ASPM: variants seen among roughly 807,000 people sequenced by gnomAD.
The protein encoded by ASPM is assembly factor for spindle microtubules.
In ASPM, 256 loss-of-function variants were observed where a neutral mutation model predicts 366.4. The observed-to-expected ratio is 0.70, with a 90% confidence interval of 0.63 to 0.77. The LOEUF (loss-of-function observed/expected upper bound fraction) is 0.77. Ranked by LOEUF, ASPM falls within the 30% of genes least tolerant of loss-of-function variation. The probability of loss-of-function intolerance (pLI) is 0.00; values close to 1 mark genes in which losing one functional copy is unlikely to be tolerated. For synonymous variants in ASPM, 1,414 were observed against 1,342.9 expected (o/e 1.05, Z -1.16); for missense variants, 4,146 against 4,090.4 (o/e 1.01, Z -0.37).
rs1658051957 is a variant in ASPM, at chr1:197,125,140, C to G, written c.2988G>C (p.Arg996Ser). The change falls in exon 11 of 28, where the codon AGG becomes AGC. Residue 996 changes from arginine to serine, a missense_variant. This residue lies in a region of ASPM where 3,624 missense variants were observed against 3,591.7 expected (regional missense o/e 1.01). Transcript: ENST00000367409. ...TTTGAAGACGACTTATTGCCGGAAT[C>G]CTGAGTTTCTTTGAGAGGTCCCAGT... is the stretch of plus-strand genomic sequence containing the variant. ...TQNWDLSKKL[R>S]IPAISRLQKM... 2.5e-6 allele frequency: 4 copies of G among 1,613,880 alleles called. No homozygotes were observed. Among genetic ancestry groups the G allele is most frequent in the Admixed American group, 1.7e-5 (1 of 59,986 alleles).
At chr1:197,136,093 T>C (rs1407014381) in intron 4 of ASPM, among the ~76,000 whole-genome samples, 2 of 152,196 alleles carry the variant, frequency 1.3e-5, no homozygotes, top group Non-Finnish European at 2.9e-5. Flanking sequence ...GGATTATGTA[T>C]TTAAAATAAT....
chr1:197,143,548 G>T lies in ASPM; in HGVS notation c.704C>A (p.Thr235Asn). The change falls in exon 3 of 28, where the codon ACT becomes AAT. Residue 235 changes from threonine to asparagine, a missense_variant. Thr to Asn is a moderately conservative substitution (Grantham distance 65). This residue lies in a region of ASPM where 512 missense variants were observed against 471.7 expected (regional missense o/e 1.09). Coordinates refer to ENST00000367409, the MANE Select transcript of ASPM (RefSeq NM_018136.5). The part of the protein sequence containing the change: ...SPAFNECHGA[T>N]CLPLSVRRST... ...TCGACGTACAGAGAGTGGCAAGCAA[G>T]TTGCACCATGGCATTCATTGAAAGC... 6.2e-7 allele frequency: 1 copy of T among 1,613,812 alleles called. No homozygotes were observed. Among genetic ancestry groups the T allele is most frequent in the Non-Finnish European group, 8.5e-7 (1 of 1,179,926 alleles).
At chr1:197,117,353 A>G (rs1480650185) in intron 17 of ASPM, among the ~76,000 whole-genome samples, 6 of 152,050 alleles carry the variant, frequency 3.9e-5, no homozygotes, top group Non-Finnish European at 8.8e-5. Flanking sequence ...TAGGTATTCT[A>G]TAGACTAATT....
rs776604952 is a variant in ASPM at position 197,105,148 on chromosome 1, A to C, written c.4103T>G (p.Leu1368Arg). 4 of 1,608,904 alleles carry C rather than the reference A, an allele frequency of 2.5e-6. No individual in the cohort carries two copies. In the East Asian group the frequency reaches 6.7e-5, roughly 27 times the overall value. Residue 1368 changes from leucine to arginine, a missense_variant, in exon 18 of 28, where the codon CTG becomes CGG. Coordinates refer to ENST00000367409, the MANE Select transcript of ASPM (RefSeq NM_018136.5). ...GATGATTGAATAATATTTCAATTTC[A>C]GAAATCTTTGTCTAGTGGAATATCT... ...WRRYSTRQRF[L>R]KLKYYSIILQ... is the part of the protein sequence containing the mutation.
Position 197,121,994 on chromosome 1 carries a change from C to T in ASPM, c.3791G>A (p.Arg1264His), listed in dbSNP as rs150125249. 6.5e-4 allele frequency: 1,050 copies of T among 1,611,620 alleles called. 5 individuals carry two copies. The African/African-American group carries it at 0.011, about 17-fold the overall frequency. The stretch of plus-strand genomic sequence containing the variant: ...GAGTCGAGCAGCTCTTATTTCTTTA[C>T]GAAGATCCAAAAGCCTTGCACAAAG... ...SFLCARLLDL[R>H]KEIRAARLIQ... is the part of the protein sequence containing the mutation. Residue 1264 changes from arginine to histidine, a missense_variant, in exon 16 of 28, where the codon CGT (arginine) becomes CAT (histidine). Arg to His is a conservative substitution (Grantham distance 29). Around this residue, in one of 3 missense-constraint regions of ASPM, gnomAD observed 3,624 missense variants for 3,591.7 expected, o/e 1.01. Transcript: ENST00000367409.
chr1:197,135,771 C>T (rs1383173384), intron 4 of ASPM, among the ~76,000 whole-genome samples: 1 of 151,594 alleles, frequency 6.6e-6, no homozygotes, highest in Admixed American at 6.6e-5. Context: ...GGCAACATGG[C>T]AAAACCCCGT....
intron 25 of ASPM, among the ~76,000 whole-genome samples, chr1:197,089,704 T>C (rs1656712855): frequency 1.3e-5 from 2 of 151,980 alleles, no homozygotes; most frequent in South Asian, 4.1e-4. Context: ...GTTTTTAATA[T>C]TATTAATCAT....
In ASPM at chr1:197,133,376, T is replaced by G. The variant is rs1413235825; in HGVS notation, c.2393A>C (p.Lys798Thr). 1.2e-6 allele frequency: 2 copies of G among 1,613,960 alleles called. No homozygotes were observed. Among genetic ancestry groups the G allele is most frequent in the East Asian group, 4.5e-5 (2 of 44,862 alleles). Residue 798 changes from lysine to threonine, a missense_variant, in exon 6 of 28, where the codon AAA becomes ACA. Coordinates refer to ENST00000367409, the MANE Select transcript of ASPM (RefSeq NM_018136.5). ...CACATCTTTCCATAGGTGTCTATCT[T>G]TTCGAACAATTAACCGCCTAGCTTC... ...EIEARRLIVR[K>T]DRHLWKDVGE...
rs1657339244 is a variant in ASPM, at chr1:197,104,516, A to G, written c.4735T>C (p.Phe1579Leu). Residue 1579 changes from phenylalanine to leucine, a missense_variant, in exon 18 of 28, where the codon TTT becomes CTT. Phe to Leu is a conservative substitution (Grantham distance 22). Transcript: ENST00000367409. ...ATAATAGTCTTCTTAAGGTTTAAAA[A>G]TCGAACTCTGTCTTGTCTCATTCTC... ...YWRMRQDRVR[F>L]LNLKKTIIKF... 6.2e-7 allele frequency: 1 copy of G among 1,612,762 alleles called. No individual in the cohort carries two copies. Among genetic ancestry groups the G allele is most frequent in the East Asian group, 2.2e-5 (1 of 44,798 alleles).
At position 197,103,890 on chromosome 1, in the gene ASPM, T is replaced by G. The variant is rs1446747959; in HGVS notation, c.5361A>C (p.Ala1787=). 6 of 1,612,820 alleles carry G rather than the reference T, an allele frequency of 3.7e-6. No homozygotes were observed. The highest frequency in any genetic ancestry group is 1.3e-5 in the African/African-American group (1 of 74,850). Reference sequence around the variant, plus strand: ...TCCTCTGATTGACCTGTGCTTTGTATGCATGATAGTAATTCTGAATGACAA... The same window carrying G: ...TCCTCTGATTGACCTGTGCTTTGTAGGCATGATAGTAATTCTGAATGACAA... ...AIIVIQNYYH[A]YKAQVNQRKN... Residue 1787 remains alanine (A), a synonymous_variant, in exon 18 of 28, where the codon GCA becomes GCC. Transcript: ENST00000367409.
At chr1:197,092,467 C>A (rs1656815680) in intron 21 of ASPM, among the ~76,000 whole-genome samples, 2 of 152,026 alleles carry the variant, frequency 1.3e-5, no homozygotes, top group Non-Finnish European at 2.9e-5. Flanking sequence ...CAGTGCAACT[C>A]CAGCATAAGA....
In ASPM at chr1:197,090,387, GC is replaced by G. The variant is rs1656741256; in HGVS notation, c.9637del (p.Ala3213HisfsTer22). The G allele has an allele frequency of 1.9e-6, 3 of 1,600,284 alleles. No homozygotes were observed. Among genetic ancestry groups the G allele is most frequent in the Admixed American group, 1.7e-5 (1 of 59,652 alleles). ...CCTCCAAGAATAGCCTCTCCATAAT[GC>G]CTTAAAGAGATAAAACAGAGTAATT... Reference protein sequence around the residue: ...KFTSGIIKIQALWRGYSWRKK... With the variant: ...KFTSGIIKIQXLWRGYSWRKK... On this transcript the variant is annotated frameshift_variant and splice_region_variant, in exon 24 of 28. Coordinates refer to ENST00000367409, the MANE Select transcript of ASPM (RefSeq NM_018136.5). LOFTEE classifies it high-confidence loss of function.
At chr1:197,139,268 T>C in intron 4 of ASPM, 2 of 931,082 alleles carry the variant, frequency 2.1e-6, no homozygotes, top group Non-Finnish European at 3.5e-6. Context: ...CAACTTTCAC[T>C]TCATCCATAC....
In ASPM at chr1:197,104,623, T is replaced by C. The variant is rs754061055; in HGVS notation, c.4628A>G (p.Gln1543Arg). ...CAGTCTCCTAAAAGCAGCTTGTAAT[T>C]GAATGGCTGCAGCTCGTTTCTGCAA... ...NYLQKRAAAI[Q>R]LQAAFRRLKA... The change falls in exon 18 of 28, where the codon CAA becomes CGA. Residue 1543 changes from glutamine to arginine, a missense_variant. By Grantham distance (43) the Gln-to-Arg change is conservative. This residue lies in a region of ASPM where 3,624 missense variants were observed against 3,591.7 expected (regional missense o/e 1.01). Transcript: ENST00000367409. 6.2e-7 allele frequency: 1 copy of C among 1,613,062 alleles called. No individual in the cohort carries two copies. Among genetic ancestry groups the C allele is most frequent in the Non-Finnish European group, 8.5e-7 (1 of 1,179,408 alleles).
Position 197,146,220 on chromosome 1 carries a change from T to C in ASPM, c.218A>G (p.Glu73Gly). Residue 73 changes from glutamate to glycine, a missense_variant, in exon 1 of 28, where the codon GAG (glutamate) becomes GGG (glycine). By Grantham distance (98) the Glu-to-Gly change is moderately conservative. Transcript: ENST00000367409. ...LSLALDNPNE[E>G]VAEVKISHFP... is the part of the protein sequence containing the mutation. Reference sequence around the variant, plus strand: ...GTGGGAGATCTTCACTTCTGCCACCTCCTCGTTAGGGTTGTCTAGGGCCAG... The same window carrying C: ...GTGGGAGATCTTCACTTCTGCCACCCCCTCGTTAGGGTTGTCTAGGGCCAG... The C allele has an allele frequency of 6.2e-7, 1 of 1,614,034 alleles. No individual in the cohort carries two copies. The highest frequency in any genetic ancestry group is 8.5e-7 in the Non-Finnish European group (1 of 1,179,998).
intron 17 of ASPM, among the ~76,000 whole-genome samples, chr1:197,115,468 C>G (rs1035387521): frequency 6.6e-6 from 1 of 152,182 alleles, no homozygotes; most frequent in Non-Finnish European, 1.5e-5. Flanking sequence ...TTTTTGATGG[C>G]ACCTAAAATG....
chr1:197,088,591 T>C (rs1656673378), intron 25 of ASPM, among the ~76,000 whole-genome samples, 159 bp from the exon 26 acceptor site: 1 of 152,176 alleles, frequency 6.6e-6, no homozygotes, highest in Admixed American at 6.5e-5. Flanking sequence ...GCTTTGATAT[T>C]ATCATTATTT....
intron 4 of ASPM, among the ~76,000 whole-genome samples, chr1:197,137,634 T>A (rs1658458327): frequency 6.6e-6 from 1 of 152,084 alleles, no homozygotes. Flanking sequence ...GTGCACACCA[T>A]CATGCCCAGC....
intron 3 of ASPM, among the ~76,000 whole-genome samples, chr1:197,140,072 C>A (rs563689795): frequency 6.6e-6 from 1 of 152,334 alleles, no homozygotes; most frequent in East Asian, 1.9e-4. Flanking sequence ...CCATAAACCA[C>A]AATTTATTTT....
Sources: gnomAD v4.1 joint callset for allele counts (sites outside exome capture counted in the v4.1 genomes callset) on GRCh38, gnomAD v4.1.1 for gene constraint, gnomAD v4.1.1 regional missense constraint, MANE v1.5 for transcripts, NCBI Gene and HGNC (gene_info 2026-07-23, HGNC 2026-07-21) for gene names.